The following EXD3 variants were observed in gnomAD, a reference collection of about 807,000 sequenced individuals.
EXD3 encodes the protein exonuclease mut-7 homolog.
Under a neutral mutation model 98.0 loss-of-function variants are expected in EXD3, and 92 were observed. That is an observed-to-expected ratio of 0.94 (90% confidence interval 0.79 to 1.12). The LOEUF (loss-of-function observed/expected upper bound fraction) is 1.12. EXD3 is among the 50% of genes most tolerant of loss of function. EXD3 has a pLI of 0.00. For missense variants in EXD3, 1,222 were observed against 1,191.6 expected, an observed-to-expected ratio of 1.03 and a Z score of -0.38; for synonymous variants, 569 against 526.0, an observed-to-expected ratio of 1.08 and a Z score of -1.12.
Position 137,349,060 on chromosome 9 carries a change from T to C in EXD3, c.1830+50A>G. On this transcript the variant is annotated intron_variant, in intron 16 of 21. Coordinates refer to ENST00000340951, the MANE Select transcript of EXD3 (RefSeq NM_017820.5). This position sits in a 1 kb window ranked among gnomAD's most constrained non-coding sequence, Gnocchi z 7.4. ...CAGGTCCTTGGTTTATGGACAGGGA[T>C]CTCCTTCCCCAAGAATGCTGACAAA... The C allele has an allele frequency of 6.5e-7, 1 of 1,533,196 alleles. No homozygotes were observed. Among genetic ancestry groups the C allele is most frequent in the Non-Finnish European group, 8.7e-7 (1 of 1,145,368 alleles). The allele number at this position is 1,533,196 out of a possible 1,614,324, so 95.0% of individuals were successfully genotyped here. A position where few individuals can be genotyped will look rare whatever the true frequency, so the allele number is the denominator to read the frequency against.
In EXD3 at chr9:137,390,196, T is replaced by C. The variant is rs1188415650; in HGVS notation, c.55+5107A>G. ...CTGTAATCCCAGCACTTTGGGAGGC[T>C]GAGGTGGGCGGATCATGAGGTCAGG... On this transcript the variant is annotated intron_variant, in intron 2 of 21. Coordinates refer to ENST00000340951, the MANE Select transcript of EXD3 (RefSeq NM_017820.5). 6.3e-5 allele frequency among the ~76,000 whole-genome samples: 9 copies of C among 143,286 alleles called. No individual in the cohort carries two copies. In the South Asian group the frequency reaches 6.6e-4, roughly 10 times the overall value. 94.0% of individuals were successfully genotyped at this position (143,286 alleles called of 152,430 possible).
At chr9:137,335,945 A>C (rs572715800) in intron 17 of EXD3, among the ~76,000 whole-genome samples, 1 of 152,326 alleles carries the variant, frequency 6.6e-6, no homozygotes, top group African/African-American at 2.4e-5. Flanking sequence ...ATACCATGGA[A>C]TACTACTCAG....
chr9:137,401,962 G>C (rs535663860), intron 1 of EXD3, among the ~76,000 whole-genome samples: 1 of 152,154 alleles, frequency 6.6e-6, no homozygotes, highest in Non-Finnish European at 1.5e-5. Flanking sequence ...TTTCTACTGC[G>C]TCAGGTTGCA....
At chr9:137,321,806 C>A (rs567649859) in intron 19 of EXD3, among the ~76,000 whole-genome samples, 1 of 152,208 alleles carries the variant, frequency 6.6e-6, no homozygotes, top group Admixed American at 6.5e-5. Context: ...TACCCTCCAC[C>A]GGGAACTGCC....
chr9:137,308,256 C>T (rs909331403), intron 20 of EXD3, among the ~76,000 whole-genome samples: 1 of 152,148 alleles, frequency 6.6e-6, no homozygotes, highest in East Asian at 1.9e-4. Flanking sequence ...TGTTGACCCT[C>T]GTAATTTGCT....
intron 21 of EXD3, 82 bp from the exon 22 acceptor site, chr9:137,307,345 G>GGCCCACGCTGA: frequency 7.0e-7 from 1 of 1,435,428 alleles, no homozygotes; most frequent in Non-Finnish European, 9.1e-7. Flanking sequence ...TGCAGTTGGC[G>GGCCCACGCTGA]GCCCACGCTG....
At chr9:137,316,556 G>A (rs1728038775) in intron 19 of EXD3, among the ~76,000 whole-genome samples, 2 of 152,234 alleles carry the variant, frequency 1.3e-5, no homozygotes, top group African/African-American at 4.8e-5. Flanking sequence ...GCAGCTCCCA[G>A]TGCCCGGGAG....
chr9:137,310,959 G>A (rs1175813387), intron 19 of EXD3, among the ~76,000 whole-genome samples: 1 of 152,228 alleles, frequency 6.6e-6, no homozygotes, highest in East Asian at 1.9e-4. Context: ...CATGGCTGCC[G>A]CAGGCAGGTG....
Position 137,395,329 on chromosome 9 carries a change from G to A in EXD3, c.29C>T (p.Pro10Leu). The A allele has an allele frequency of 6.2e-7, 1 of 1,613,370 alleles. No homozygotes were observed. The highest frequency in any genetic ancestry group is 2.2e-5 in the East Asian group (1 of 44,876). MDPGDPAGD[P>L]AAGERHRMGR... ...CATGCGGTGGCGCTCGCCAGCGGCA[G>A]GGTCACCAGCGGGATCTCCTGGGTC... The change falls in exon 2 of 22, where the codon CCT becomes CTT. Residue 10 changes from proline to leucine, a missense_variant. Pro to Leu is a moderately conservative substitution (Grantham distance 98, BLOSUM62 -3). Transcript: ENST00000340951. The surrounding 1 kb of genome is among the most constrained non-coding windows in gnomAD (Gnocchi z 6.5).
intron 17 of EXD3, among the ~76,000 whole-genome samples, chr9:137,328,053 C>G (rs371824923): frequency 7.9e-6 from 1 of 125,878 alleles, no homozygotes; most frequent in Admixed American, 8.1e-5. Flanking sequence ...TAAACACCCA[C>G]ATGATGAGTA....
chr9:137,390,651 G>A (rs1017883163), intron 2 of EXD3, among the ~76,000 whole-genome samples: 1 of 152,164 alleles, frequency 6.6e-6, no homozygotes, highest in Non-Finnish European at 1.5e-5. Flanking sequence ...CTGCTGGCAG[G>A]TGTGGAAGGG....
In EXD3 at chr9:137,356,361, G is replaced by C; in HGVS notation, c.664C>G (p.Pro222Ala). Reference protein sequence around the residue: ...FDIKDVARRYPEVTSLSLEKL... With the variant: ...FDIKDVARRYAEVTSLSLEKL... ...TCCAGGCTCAAGGAGGTCACCTCAG[G>C]GTACCGTCTGTGGGGAGAGAGAGGC... Residue 222 changes from proline (P) to alanine (A), a missense_variant, in exon 8 of 22, where the codon CCT becomes GCT. By Grantham distance (27) the Pro-to-Ala change is conservative. Transcript: ENST00000340951. 1 of 1,597,116 alleles carries C rather than the reference G, an allele frequency of 6.3e-7. No individual in the cohort carries two copies.
Position 137,307,218 on chromosome 9 carries a change from G to T in EXD3, c.2363C>A (p.Pro788His). The T allele has an allele frequency of 6.3e-7, 1 of 1,574,980 alleles. No homozygotes were observed. The highest frequency in any genetic ancestry group is 1.2e-5 in the South Asian group (1 of 86,824). The change falls in exon 22 of 22, where the codon CCC becomes CAC. Residue 788 changes from proline (P) to histidine (H), a missense_variant. Coordinates refer to ENST00000340951, the MANE Select transcript of EXD3 (RefSeq NM_017820.5). ...GTCAGCCATCTGCAGCCAGCGGCAG[G>T]GGCGGTCATAGGTGCAGCCCTCAGG... is the stretch of plus-strand genomic sequence containing the variant. ...AAPEGCTYDR[P>H]CRWLQMADLR...
At position 137,422,112 on chromosome 9, in the gene EXD3, T is replaced by TAA. The variant is rs35073810; in HGVS notation, c.-48+1000_-48+1001dup. Among the ~76,000 whole-genome samples the TAA allele has an allele frequency of 1.5e-3, 181 of 119,456 alleles. 3 individuals carry two copies. The highest frequency in any genetic ancestry group is 4.1e-3 in the African/African-American group (132 of 32,266). The allele number at this position is 119,456 out of a possible 152,430, so 78.4% of individuals were successfully genotyped here. On this transcript the variant is annotated intron_variant, in intron 1 of 21. Transcript: ENST00000340951. ...ATTCCAATTCAGTTTGTGGTGTTCT[T>TAA]AAAAAAAAAAAAAAAAAAAAAACTC... is the stretch of plus-strand genomic sequence containing the variant.
intron 1 of EXD3, among the ~76,000 whole-genome samples, chr9:137,406,057 A>G (rs1160963847): frequency 6.7e-6 from 1 of 150,152 alleles, no homozygotes; most frequent in Non-Finnish European, 1.5e-5. Context: ...CCATCCTATG[A>G]AAAAAAAAAT....
At chr9:137,365,802 C>T (rs999672502) in intron 7 of EXD3, 9 of 346,020 alleles carry the variant, frequency 2.6e-5, no homozygotes, top group African/African-American at 1.9e-4. Flanking sequence ...TGCAGGCACA[C>T]ACATGTACAC....
chr9:137,356,217 C>T, intron 8 of EXD3, 51 bp downstream of exon 8: 1 of 1,409,494 alleles, frequency 7.1e-7, no homozygotes, highest in East Asian at 2.5e-5. Context: ...CCTGGCCACG[C>T]TTGGCGGCTC....
chr9:137,336,827 A>C (rs907647793), intron 17 of EXD3, among the ~76,000 whole-genome samples: 1 of 147,480 alleles, frequency 6.8e-6, no homozygotes, highest in Non-Finnish European at 1.5e-5. Flanking sequence ...AAAAGCATGA[A>C]AAAAAAGAGG....
chr9:137,408,972 A>AG (rs1230492858), intron 1 of EXD3, among the ~76,000 whole-genome samples: 2 of 152,192 alleles, frequency 1.3e-5, no homozygotes, highest in African/African-American at 4.8e-5. Flanking sequence ...CAGCCTGGGA[A>AG]GGGGGCAGTC....
Sources: gnomAD v4.1 joint callset for allele counts (sites outside exome capture counted in the v4.1 genomes callset) on GRCh38, gnomAD v4.1.1 for gene constraint, Gnocchi (gnomAD v3.1) non-coding constraint, MANE v1.5 for transcripts, NCBI Gene and HGNC (gene_info 2026-07-23, HGNC 2026-07-21) for gene names.